The following MYPN variants were observed in gnomAD, a reference collection of about 807,000 sequenced individuals.
The protein encoded by MYPN is myopalladin.
A neutral mutation model predicts 129.4 loss-of-function variants in MYPN; 63 were observed. The observed-to-expected ratio is 0.49, with a 90% CI of 0.40 to 0.60. The LOEUF (loss-of-function observed/expected upper bound fraction) is 0.60, where lower values mean the gene tolerates loss of function less well. MYPN is among the 20% of genes least tolerant of loss of function. The pLI, the probability that MYPN is intolerant of heterozygous loss-of-function variation, is 0.00. For synonymous variants in MYPN, 629 were observed against 600.9 expected, an observed-to-expected ratio of 1.05 and a Z score of -0.68; for missense variants, 1,596 against 1,635.4, an observed-to-expected ratio of 0.98 and a Z score of 0.42.
chr10:68,118,874 T>G (rs1479740577), intron 1 of MYPN, among the ~76,000 whole-genome samples: 15 of 90,482 alleles, frequency 1.7e-4, no homozygotes, highest in East Asian at 7.8e-4. Context: ...GGGAAAAGAG[T>G]GATGAAGGAA....
intron 9 of MYPN, 114 bp downstream of exon 9, chr10:68,165,932 A>C: frequency 7.3e-6 from 7 of 963,408 alleles, no homozygotes; most frequent in Non-Finnish European, 1.2e-5. Flanking sequence ...GGCTCTTCTA[A>C]AAAGATTTGA....
At chr10:68,158,775 G>A in intron 7 of MYPN, 148 bp downstream of exon 7, 1 of 608,022 alleles carries the variant, frequency 1.6e-6, no homozygotes, top group Non-Finnish European at 2.8e-6. Flanking sequence ...TAATATTTCA[G>A]TATATGTTCT....
At chr10:68,148,503 C>A in intron 5 of MYPN, 36 bp downstream of exon 5, 1 of 1,521,260 alleles carries the variant, frequency 6.6e-7, no homozygotes, top group Non-Finnish European at 9.1e-7. Context: ...GTGCCATCCA[C>A]TGTGACAGAC....
At chr10:68,109,155 A>G (rs1007779516), upstream of MYPN, 1 of 163,468 alleles carries the variant, frequency 6.1e-6, no homozygotes, top group Non-Finnish European at 1.3e-5. Flanking sequence ...CCTAAAATGT[A>G]TCAGTGATTT....
chr10:68,116,285 A>AG (rs2042155881), intron 1 of MYPN, among the ~76,000 whole-genome samples: 1 of 151,556 alleles, frequency 6.6e-6, no homozygotes, highest in Non-Finnish European at 1.5e-5. Context: ...TAATGCTTAA[A>AG]AAAATAATTT....
chr10:68,177,512 A>G lies in MYPN; in HGVS notation c.2703+2051A>G, dbSNP rs1354754378. Reference sequence around the variant, plus strand: ...GGATGGCAGATGTTGACTCTGAGGAAGTTTTGGGAAATAAAATGATGATCA... The same window carrying G: ...GGATGGCAGATGTTGACTCTGAGGAGGTTTTGGGAAATAAAATGATGATCA... On this transcript the variant is annotated intron_variant, in intron 12 of 19. Coordinates refer to ENST00000358913, the MANE Select transcript of MYPN (RefSeq NM_032578.4). 6.6e-5 allele frequency among the ~76,000 whole-genome samples: 10 copies of G among 152,328 alleles called. No individual in the cohort carries two copies. In the East Asian group the frequency reaches 1.7e-3, roughly 26 times the overall value.
chr10:68,210,413 T>C lies in MYPN; in HGVS notation c.3921T>C (p.Tyr1307=), dbSNP rs1402056853. Residue 1307 remains tyrosine (Y), a synonymous_variant, in exon 20 of 20, where the codon TAT becomes TAC. Coordinates refer to ENST00000358913, the MANE Select transcript of MYPN (RefSeq NM_032578.4). ...AFSSMESTMV[Y]SCSSRSVVES... ...CCTCCATGGAAAGCACGATGGTGTA[T>C]TCATGCTCTTCTCGGAGTGTAGTGG... 1.2e-6 allele frequency: 2 copies of C among 1,614,216 alleles called. No individual in the cohort carries two copies. The highest frequency in any genetic ancestry group is 1.7e-6 in the Non-Finnish European group (2 of 1,180,038).
Position 68,095,239 on chromosome 10 carries a change from A to T in MYPN, c.-2+7247A>T, listed in dbSNP as rs1589510061. On this transcript the variant is annotated intron_variant, in intron 1 of 6. Transcript: ENST00000685154. ...GAGTCACATATCTGTGGTCCCAGCTACTCGGGAGGCTGAGGTGGGAAGATT... is the reference window on the plus strand; with the variant it reads ...GAGTCACATATCTGTGGTCCCAGCTTCTCGGGAGGCTGAGGTGGGAAGATT... 2.6e-5 allele frequency among the ~76,000 whole-genome samples: 4 copies of T among 151,290 alleles called. No individual in the cohort carries two copies. The East Asian group carries it at 7.8e-4, about 29-fold the overall frequency.
chr10:68,096,830 T>G (rs1171486727), intron 1 of MYPN, among the ~76,000 whole-genome samples: 2 of 152,222 alleles, frequency 1.3e-5, no homozygotes, highest in African/African-American at 4.8e-5. Context: ...CACTTAACCT[T>G]AACAATAATT....
intron 12 of MYPN, among the ~76,000 whole-genome samples, chr10:68,185,175 A>C (rs1321513789): frequency 2.0e-5 from 3 of 148,512 alleles, no homozygotes; most frequent in Non-Finnish European, 4.5e-5. Context: ...GGAGGGAAGG[A>C]GGGAAGGAGG....
At chr10:68,189,642 C>T (rs1162393821) in intron 13 of MYPN, among the ~76,000 whole-genome samples, 1 of 152,228 alleles carries the variant, frequency 6.6e-6, no homozygotes, top group Non-Finnish European at 1.5e-5. Context: ...CAGCTTACTT[C>T]ACTTAACATA....
rs577635692 is a variant in MYPN at position 68,097,670 on chromosome 10, A to G, written c.-2+9678A>G. ...AAATAACTTGCCTAATGTTTCTCACATAATAAGTGGCGGAGTTGGAATACA... is the reference window on the plus strand; with the variant it reads ...AAATAACTTGCCTAATGTTTCTCACGTAATAAGTGGCGGAGTTGGAATACA... On this transcript the variant is annotated intron_variant, in intron 1 of 6. Transcript: ENST00000685154. Among the ~76,000 whole-genome samples, 4 of 152,262 alleles carry G rather than the reference A, an allele frequency of 2.6e-5. No homozygotes were observed. In the East Asian group the frequency reaches 5.8e-4, roughly 22 times the overall value.
intron 19 of MYPN, among the ~76,000 whole-genome samples, chr10:68,208,751 G>A (rs1038161449): frequency 6.6e-5 from 10 of 152,066 alleles, no homozygotes; most frequent in African/African-American, 1.7e-4. Context: ...GATGGAGGAC[G>A]CGTGGAGGAC....
At chr10:68,115,538 T>G (rs914272319) in intron 1 of MYPN, among the ~76,000 whole-genome samples, 2 of 152,188 alleles carry the variant, frequency 1.3e-5, no homozygotes, top group Non-Finnish European at 1.5e-5. Flanking sequence ...CTACCGCTCA[T>G]TGGTCCAAGC....
Position 68,158,573 on chromosome 10 carries a change from T to C in MYPN, c.1405T>C (p.Tyr469His). The C allele has an allele frequency of 6.2e-7, 1 of 1,609,304 alleles. No homozygotes were observed. The highest frequency in any genetic ancestry group is 8.5e-7 in the Non-Finnish European group (1 of 1,175,656). ...KGAPSPKVEW[Y>H]REGTLIEDSP... The stretch of plus-strand genomic sequence containing the variant: ...AGCTCCATCTCCTAAGGTTGAGTGG[T>C]ATAGAGAAGGGACTTTAATAGAAGA... The change falls in exon 7 of 20, where the codon TAT (tyrosine) becomes CAT (histidine). Residue 469 changes from tyrosine (Y) to histidine (H), a missense_variant. Transcript: ENST00000358913.
chr10:68,107,540 G>A (rs2042027805), upstream of MYPN, among the ~76,000 whole-genome samples: 3 of 150,692 alleles, frequency 2.0e-5, no homozygotes, highest in African/African-American at 4.9e-5. Flanking sequence ...TAGTAGAGAT[G>A]GGGTTTCGCT....
chr10:68,142,996 C>T lies in MYPN; in HGVS notation c.959C>T (p.Ala320Val). The T allele has an allele frequency of 3.1e-6, 5 of 1,614,132 alleles. No individual in the cohort carries two copies. The highest frequency in any genetic ancestry group is 4.2e-6 in the Non-Finnish European group (5 of 1,180,016). The change falls in exon 3 of 20, where the codon GCA becomes GTA. Residue 320 changes from alanine (A) to valine (V), a missense_variant. Ala to Val is a moderately conservative substitution (Grantham distance 64). Transcript: ENST00000358913. ...ENSPDIHIVQ[A>V]GNLHSLTIAE... is the part of the protein sequence containing the mutation. ...TCCCCAGATATTCACATCGTCCAGG[C>T]AGGAAATCTGCACTCACTGACCATT...
At position 68,098,192 on chromosome 10, in the gene MYPN, G is replaced by C. The variant is rs553752335; in HGVS notation, c.-2+10200G>C. Reference sequence around the variant, plus strand: ...ACCTGGGAGGCGAAGGTTGCAGTGAGCTGAGATTGCGCCTCTGCACTCCAG... The same window carrying C: ...ACCTGGGAGGCGAAGGTTGCAGTGACCTGAGATTGCGCCTCTGCACTCCAG... On this transcript the variant is annotated intron_variant, in intron 1 of 6. Coordinates refer to the MYPN transcript ENST00000685154. Among the ~76,000 whole-genome samples, 4 of 152,318 alleles carry C rather than the reference G, an allele frequency of 2.6e-5. No individual in the cohort carries two copies. The East Asian group carries it at 7.7e-4, about 29-fold the overall frequency.
At chr10:68,145,583 A>C in intron 4 of MYPN, 57 bp downstream of exon 4, 2 of 1,414,156 alleles carry the variant, frequency 1.4e-6, no homozygotes, top group Non-Finnish European at 1.0e-6. Flanking sequence ...TAATAGCTCA[A>C]AGAGAATGAT....
Sources: allele counts gnomAD v4.1 joint callset (sites outside exome capture counted in the v4.1 genomes callset), GRCh38; gene constraint gnomAD v4.1.1; transcripts MANE v1.5; gene names NCBI Gene and HGNC (gene_info 2026-07-23, HGNC 2026-07-21).